Variants in AGBL1 observed in about 807,000 individuals in gnomAD.
AGBL1 encodes AGBL carboxypeptidase 1.
AGBL1 carries 130 observed loss-of-function variants against 118.9 expected under a neutral mutation model. The ratio of observed to expected loss-of-function variants is 1.09; its 90% confidence interval spans 0.95 to 1.26. The LOEUF is 1.26. AGBL1 is among the 50% of genes most tolerant of loss of function. The pLI, the probability that AGBL1 is intolerant of heterozygous loss-of-function variation, is 0.00. For missense variants in AGBL1, 1,584 were observed against 1,298.1 expected, an observed-to-expected ratio of 1.22 and a Z score of -3.38; for synonymous variants, 555 against 478.9, an observed-to-expected ratio of 1.16 and a Z score of -2.08.
At chr15:86,832,457 C>A (rs1281595829) in intron 22 of AGBL1, among the ~76,000 whole-genome samples, 4 of 152,172 alleles carry the variant, frequency 2.6e-5, no homozygotes, top group African/African-American at 9.7e-5. Context: ...GTACCCTAGT[C>A]ACCTCTTGAA....
At chr15:86,393,062 C>T (rs1295846139) in intron 17 of AGBL1, among the ~76,000 whole-genome samples, 4 of 152,104 alleles carry the variant, frequency 2.6e-5, no homozygotes, top group Non-Finnish European at 5.9e-5. Context: ...TGTCTTAAAT[C>T]ACAGAGGGGA....
intron 22 of AGBL1, among the ~76,000 whole-genome samples, chr15:86,770,960 G>T (rs2141288287): frequency 6.6e-6 from 1 of 152,142 alleles, no homozygotes; most frequent in Non-Finnish European, 1.5e-5. Flanking sequence ...GTGACTGAGT[G>T]CAGTCCTGGA....
At chr15:86,236,845 CG>C (rs71144033) in intron 6 of AGBL1, among the ~76,000 whole-genome samples, 39,242 of 148,994 alleles carry the variant, frequency 0.26, 6,126 homozygotes, top group Admixed American at 0.36. Flanking sequence ...TCACATAGCC[CG>C]GGGAAAAAAC....
intron 18 of AGBL1, among the ~76,000 whole-genome samples, chr15:86,447,386 T>C: frequency 6.6e-6 from 1 of 152,194 alleles, no homozygotes; most frequent in East Asian, 1.9e-4. Context: ...CCTGAAGCTG[T>C]TGGGCACTGC....
At chr15:86,331,159 G>A (rs183555411) in intron 17 of AGBL1, among the ~76,000 whole-genome samples, 2 of 150,848 alleles carry the variant, frequency 1.3e-5, no homozygotes, top group Non-Finnish European at 2.9e-5. Flanking sequence ...AGGAGGCAGA[G>A]GTTGCACTGA....
intron 11 of AGBL1, among the ~76,000 whole-genome samples, chr15:86,265,606 A>C (rs945634729): frequency 6.6e-5 from 10 of 152,142 alleles, no homozygotes; most frequent in Non-Finnish European, 1.3e-4. Context: ...AAATCCCCCA[A>C]ACTGCTCCCA....
At chr15:86,297,184 C>G (rs572341940) in intron 17 of AGBL1, 1 of 152,230 alleles carries the variant, frequency 6.6e-6, no homozygotes, top group African/African-American at 2.4e-5. Context: ...AGTAAGTGTA[C>G]ACTCTTATGA....
At chr15:86,999,621 T>A (rs1403329743) in intron 24 of AGBL1, among the ~76,000 whole-genome samples, 9 of 150,332 alleles carry the variant, frequency 6.0e-5, no homozygotes, top group Non-Finnish European at 1.2e-4. Flanking sequence ...TAATCCAGTC[T>A]ATCGTTGTTG....
intron 21 of AGBL1, among the ~76,000 whole-genome samples, chr15:86,555,975 A>T (rs997158622): frequency 6.6e-6 from 1 of 152,156 alleles, no homozygotes; most frequent in Admixed American, 6.5e-5. Flanking sequence ...CTCTCTGTAC[A>T]TGTGTCTTGA....
chr15:86,742,434 G>A (rs2077693677), intron 22 of AGBL1, among the ~76,000 whole-genome samples: 1 of 152,146 alleles, frequency 6.6e-6, no homozygotes, highest in Non-Finnish European at 1.5e-5. Context: ...TTGTTTCTCT[G>A]TTAATCTGAC....
intron 24 of AGBL1, among the ~76,000 whole-genome samples, chr15:87,010,164 C>G (rs749764040): frequency 3.3e-5 from 5 of 152,102 alleles, no homozygotes; most frequent in Non-Finnish European, 5.9e-5. Flanking sequence ...TGAGAGGAAC[C>G]CAGTGGGAGA....
rs564906229 is a variant in AGBL1, at chr15:86,437,915, C to CT, written c.2555+40376dup. On this transcript the variant is annotated intron_variant, in intron 18 of 22. Coordinates refer to ENST00000614907, the MANE Select transcript of AGBL1 (RefSeq NM_001386094.1). ...CTTTTTTTTCCCTTCTTTTCTTTCTCTTTTTTTGGAGACGGAGTCTCATTC... is the reference window on the plus strand; with the variant it reads ...CTTTTTTTTCCCTTCTTTTCTTTCTCTTTTTTTTGGAGACGGAGTCTCATTC... Among the ~76,000 whole-genome samples, 335 of 151,968 alleles carry CT rather than the reference C, an allele frequency of 2.2e-3. 4 individuals carry two copies. The highest frequency in any genetic ancestry group is 7.7e-3 in the African/African-American group (318 of 41,452).
intron 3 of AGBL1, among the ~76,000 whole-genome samples, chr15:86,146,425 G>A (rs879396974): frequency 9.8e-5 from 15 of 152,308 alleles, no homozygotes; most frequent in African/African-American, 3.4e-4. Context: ...AGGGACTTGA[G>A]CATCTGTGGA....
At chr15:86,292,529 G>T (rs2079564018) in intron 16 of AGBL1, among the ~76,000 whole-genome samples, 3 of 152,334 alleles carry the variant, frequency 2.0e-5, no homozygotes, top group South Asian at 4.1e-4. Context: ...AATTTGTGAT[G>T]ATTCCAGCAG....
chr15:86,755,001 A>G (rs557938538), intron 22 of AGBL1, among the ~76,000 whole-genome samples: 1 of 152,110 alleles, frequency 6.6e-6, no homozygotes, highest in African/African-American at 2.4e-5. Context: ...ATGATGTGGG[A>G]CTTGAGATTT....
chr15:86,477,048 A>C (rs2082570358), intron 18 of AGBL1, among the ~76,000 whole-genome samples: 1 of 152,196 alleles, frequency 6.6e-6, no homozygotes, highest in Non-Finnish European at 1.5e-5. Flanking sequence ...ACAAACACAC[A>C]ACATACCAGA....
chr15:86,369,699 G>T (rs2080943679), intron 17 of AGBL1, among the ~76,000 whole-genome samples: 1 of 152,012 alleles, frequency 6.6e-6, no homozygotes, highest in Non-Finnish European at 1.5e-5. Context: ...CTCAGAGAAG[G>T]TTTGCAGATA....
chr15:86,744,791 G>A (rs568320225), intron 22 of AGBL1, among the ~76,000 whole-genome samples: 2 of 152,140 alleles, frequency 1.3e-5, no homozygotes, highest in Non-Finnish European at 2.9e-5. Context: ...TTAATACATA[G>A]TTTTGAGAGA....
intron 21 of AGBL1, among the ~76,000 whole-genome samples, chr15:86,635,599 T>C (rs2085069634): frequency 6.6e-6 from 1 of 151,942 alleles, no homozygotes; most frequent in African/African-American, 2.4e-5. Flanking sequence ...CTTGTGTTCT[T>C]ACTCAAGGAA....
Sources: allele counts gnomAD v4.1 joint callset (sites outside exome capture counted in the v4.1 genomes callset), GRCh38; gene constraint gnomAD v4.1.1; transcripts MANE v1.5; gene names NCBI Gene and HGNC (gene_info 2026-07-23, HGNC 2026-07-21).